The following CALD1 variants were observed in gnomAD, a reference collection of about 807,000 sequenced individuals.
CALD1 encodes caldesmon.
CALD1 carries 33 observed loss-of-function variants against 99.9 expected under a neutral mutation model. The observed-to-expected ratio is 0.33, with a 90% CI of 0.25 to 0.44. The LOEUF (loss-of-function observed/expected upper bound fraction) is 0.44. Ranked by LOEUF, CALD1 falls within the 20% of genes least tolerant of loss-of-function variation. CALD1 has a pLI of 1.00. For synonymous variants in CALD1, 310 were observed against 325.0 expected (o/e 0.95, Z 0.50); for missense variants, 861 against 962.1 (o/e 0.89, Z 1.39).
chr7:134,849,561 T>C (rs192134261), intron 2 of CALD1, among the ~76,000 whole-genome samples: 9 of 152,344 alleles, frequency 5.9e-5, no homozygotes, highest in Admixed American at 5.9e-4. Context: ...TATACTGTAT[T>C]TCCTATTATA....
chr7:134,877,617 C>CT (rs1801412568), intron 3 of CALD1, among the ~76,000 whole-genome samples: 1 of 152,176 alleles, frequency 6.6e-6, no homozygotes, highest in African/African-American at 2.4e-5. Flanking sequence ...CATGTACATA[C>CT]TTTTTTCCTT....
intron 1 of CALD1, among the ~76,000 whole-genome samples, chr7:134,819,791 G>A (rs892975123): frequency 2.0e-5 from 3 of 152,192 alleles, no homozygotes; most frequent in Non-Finnish European, 2.9e-5. Context: ...CAGGAGGAAT[G>A]CTTGAGCCCA....
chr7:134,765,466 A>G (rs890539505), intron 1 of CALD1, among the ~76,000 whole-genome samples: 1 of 152,220 alleles, frequency 6.6e-6, no homozygotes, highest in African/African-American at 2.4e-5. Flanking sequence ...ATTGCCTGAC[A>G]TAATCCCCAC....
At chr7:134,794,622 G>C (rs1186837361) in intron 1 of CALD1, among the ~76,000 whole-genome samples, 1 of 152,128 alleles carries the variant, frequency 6.6e-6, no homozygotes, top group African/African-American at 2.4e-5. Context: ...AAGTAGCTGG[G>C]ATTACAGGTG....
At chr7:134,918,205 A>C (rs12673328) in intron 3 of CALD1, among the ~76,000 whole-genome samples, 56,800 of 152,128 alleles carry the variant, frequency 0.37, 12,810 homozygotes, top group East Asian at 0.87. Flanking sequence ...ACTCAATAAA[A>C]GATAAATCCA....
rs569054359 is a variant in CALD1 at position 134,967,297 on chromosome 7, C to G, written c.2377-1043C>G. On this transcript the variant is annotated intron_variant, in intron 14 of 14. Coordinates refer to ENST00000361675, the MANE Select transcript of CALD1 (RefSeq NM_033138.4). The stretch of plus-strand genomic sequence containing the variant: ...TCTACAGTAGTAATAATATAACCAC[C>G]AGACCGAGAACTGAGTTTATGAGGT... Among the ~76,000 whole-genome samples the G allele has an allele frequency of 2.0e-4, 26 of 131,106 alleles. No individual in the cohort carries two copies. In the East Asian group the frequency reaches 5.8e-3, roughly 29 times the overall value. The allele number at this position is 131,106 out of a possible 152,430, so 86.0% of individuals were successfully genotyped here.
intron 3 of CALD1, among the ~76,000 whole-genome samples, chr7:134,897,917 C>T (rs900351230): frequency 2.0e-5 from 3 of 151,922 alleles, no homozygotes; most frequent in African/African-American, 7.3e-5. Context: ...CTGTATTGCC[C>T]ATGCTGGTCT....
Position 134,897,336 on chromosome 7 carries a change from A to G in CALD1, c.71+29532A>G, listed in dbSNP as rs1454016904. 2.0e-5 allele frequency among the ~76,000 whole-genome samples: 3 copies of G among 150,382 alleles called. No homozygotes were observed. In the East Asian group the frequency reaches 5.8e-4, roughly 29 times the overall value. ...TTTTTTTTTCCTGTGACCTTCTGAAATAAATGCATTTTATTTTGTAACCCC... is the reference window on the plus strand; with the variant it reads ...TTTTTTTTTCCTGTGACCTTCTGAAGTAAATGCATTTTATTTTGTAACCCC... On this transcript the variant is annotated intron_variant, in intron 3 of 14. Transcript: ENST00000361675.
intron 1 of CALD1, among the ~76,000 whole-genome samples, chr7:134,752,307 T>C (rs1796691849): frequency 6.6e-6 from 1 of 152,214 alleles, no homozygotes; most frequent in South Asian, 2.1e-4. Context: ...CTAGTCAAAA[T>C]AACCAGTCAA....
At chr7:134,806,922 T>C (rs1798162016) in intron 1 of CALD1, among the ~76,000 whole-genome samples, 1 of 152,268 alleles carries the variant, frequency 6.6e-6, no homozygotes. Flanking sequence ...TGCCTTGGAC[T>C]ATCTTAATAA....
intron 4 of CALD1, among the ~76,000 whole-genome samples, chr7:134,932,315 A>C (rs550708743): frequency 1.3e-5 from 2 of 152,314 alleles, no homozygotes; most frequent in African/African-American, 4.8e-5. Context: ...ACTGTAATGT[A>C]CATTTTCTTC....
intron 1 of CALD1, among the ~76,000 whole-genome samples, chr7:134,762,807 T>C (rs535218226): frequency 2.6e-5 from 4 of 152,216 alleles, no homozygotes; most frequent in East Asian, 1.9e-4. Context: ...ACCTCCAACA[T>C]TGGGGATTAC....
chr7:134,748,286 C>A (rs1796653188), intron 1 of CALD1, among the ~76,000 whole-genome samples: 1 of 152,200 alleles, frequency 6.6e-6, no homozygotes, highest in African/African-American at 2.4e-5. Flanking sequence ...ATGGATAGTA[C>A]CTGCGGTCTC....
the CALD1 span, among the ~76,000 whole-genome samples, chr7:134,713,483 G>T: frequency 6.6e-6 from 1 of 152,150 alleles, no homozygotes; most frequent in Admixed American, 6.5e-5. Flanking sequence ...GACATGCAGC[G>T]CCTTACACTA....
upstream of CALD1, among the ~76,000 whole-genome samples, chr7:134,739,955 T>C (rs1337339009): frequency 6.6e-6 from 1 of 150,968 alleles, no homozygotes; most frequent in Non-Finnish European, 1.5e-5. Flanking sequence ...ATAATCTAGA[T>C]GTAGAAATTG....
chr7:134,742,038 C>G (rs1370698865), upstream of CALD1, among the ~76,000 whole-genome samples: 3 of 152,016 alleles, frequency 2.0e-5, no homozygotes, highest in Non-Finnish European at 2.9e-5. Context: ...CACACACACA[C>G]ACACACACAG....
At chr7:134,893,719 C>T (rs1802365299) in intron 3 of CALD1, among the ~76,000 whole-genome samples, 1 of 152,148 alleles carries the variant, frequency 6.6e-6, no homozygotes, top group East Asian at 1.9e-4. Context: ...ATAACCTTTG[C>T]CCATCCTTCT....
chr7:134,867,742 T>G lies in CALD1; in HGVS notation c.9T>G (p.Asp3Glu). The G allele has an allele frequency of 6.2e-7, 1 of 1,606,762 alleles. No homozygotes were observed. Among genetic ancestry groups the G allele is most frequent in the Non-Finnish European group, 8.5e-7 (1 of 1,175,230 alleles). Residue 3 changes from aspartate to glutamate, a missense_variant, in exon 3 of 15, where the codon GAT becomes GAG. Transcript: ENST00000361675. MD[D>E]FERRRELRRQ... Reference sequence around the variant, plus strand: ...GAACCTGAAATCACACCATGGATGATTTTGAGCGTCGCAGAGAACTTAGAA... The same window carrying G: ...GAACCTGAAATCACACCATGGATGAGTTTGAGCGTCGCAGAGAACTTAGAA...
At chr7:134,793,450 G>A (rs958951513) in intron 1 of CALD1, among the ~76,000 whole-genome samples, 13 of 152,024 alleles carry the variant, frequency 8.6e-5, no homozygotes, top group Non-Finnish European at 1.9e-4. Flanking sequence ...TTGGTTTCAA[G>A]CGCCCATACA....
Sources: allele counts gnomAD v4.1 joint callset (sites outside exome capture counted in the v4.1 genomes callset), GRCh38; gene constraint gnomAD v4.1.1; transcripts MANE v1.5; gene names NCBI Gene and HGNC (gene_info 2026-07-23, HGNC 2026-07-21).